The following KCNQ1 variants were observed in gnomAD, a reference collection of about 807,000 sequenced individuals.
The protein encoded by KCNQ1 is potassium voltage-gated channel subfamily Q member 1.
A neutral mutation model predicts 72.4 loss-of-function variants in KCNQ1; 49 were observed. The observed-to-expected ratio is 0.68, with a 90% CI of 0.54 to 0.86. The LOEUF is 0.86. KCNQ1 is among the 40% of genes least tolerant of loss of function. The pLI is 0.00. For synonymous variants in KCNQ1, 450 were observed against 412.6 expected (o/e 1.09, Z -1.10); for missense variants, 790 against 945.1 (o/e 0.84, Z 2.15).
chr11:2,567,116 G>GGGACAGCCCTAGACTGTCACCCTCAGTGT lies in KCNQ1; in HGVS notation c.478-3504_478-3476dup, dbSNP rs1454468754. On this transcript the variant is annotated intron_variant, in intron 2 of 15. Coordinates refer to ENST00000155840, the MANE Select transcript of KCNQ1 (RefSeq NM_000218.3). This position sits in a 1 kb window ranked among gnomAD's most constrained non-coding sequence, Gnocchi z 6.6. ...GTGAGCCCCTGGGAAGGAGGCCTCAGGGACAGCCCTAGACTGTCACCCTCA... is the reference window on the plus strand; with the variant it reads ...GTGAGCCCCTGGGAAGGAGGCCTCAGGGACAGCCCTAGACTGTCACCCTCAGTGTGGACAGCCCTAGACTGTCACCCTCA... Among the ~76,000 whole-genome samples the GGGACAGCCCTAGACTGTCACCCTCAGTGT allele has an allele frequency of 6.6e-6, 1 of 152,100 alleles. No homozygotes were observed. The highest frequency in any genetic ancestry group is 1.5e-5 in the Non-Finnish European group (1 of 67,992).
intron 10 of KCNQ1, chr11:2,648,658 T>C (rs1451320975): frequency 2.5e-6 from 1 of 398,430 alleles, no homozygotes; most frequent in African/African-American, 2.1e-5. Flanking sequence ...TTTTGACTTT[T>C]AAAAATTTAT....
intron 1 of KCNQ1, among the ~76,000 whole-genome samples, chr11:2,469,737 G>T (rs932326877): frequency 2.0e-5 from 3 of 150,996 alleles, no homozygotes; most frequent in Non-Finnish European, 4.4e-5. Flanking sequence ...GCAGTGGCGC[G>T]ATCTCGGCTC....
In KCNQ1 at chr11:2,683,105, A is replaced by G; in HGVS notation, c.1514+21024A>G. ...GGAGCCTTCAGATTTTCTTGTTCCC[A>G]GGATATATCGCACCAACTCAGGAGG... On this transcript the variant is annotated intron_variant, in intron 11 of 15. Coordinates refer to ENST00000155840, the MANE Select transcript of KCNQ1 (RefSeq NM_000218.3). This position sits in a 1 kb window ranked among gnomAD's most constrained non-coding sequence, Gnocchi z 4.7. The G allele has an allele frequency of 2.6e-6, 1 of 390,302 alleles. No individual in the cohort carries two copies. Among genetic ancestry groups the G allele is most frequent in the Non-Finnish European group, 4.4e-6 (1 of 225,060 alleles). 24.2% of individuals were successfully genotyped at this position (390,302 alleles called of 1,614,324 possible). A position where few individuals can be genotyped will look rare whatever the true frequency, so the allele number is the denominator to read the frequency against.
chr11:2,465,554 G>A (rs531131100), intron 1 of KCNQ1, among the ~76,000 whole-genome samples: 187 of 152,008 alleles, frequency 1.2e-3, no homozygotes, highest in Non-Finnish European at 1.9e-3. Flanking sequence ...CAGCTTGTGC[G>A]TAGCAGAGCT....
chr11:2,825,132 GGAAA>G (rs1199572928), intron 15 of KCNQ1, among the ~76,000 whole-genome samples: 1 of 152,242 alleles, frequency 6.6e-6, no homozygotes, highest in East Asian at 1.9e-4. Flanking sequence ...GGGTCACGGT[GGAAA>G]GAGAGTCCAG....
chr11:2,638,887 A>G (rs1354640759), intron 10 of KCNQ1: 2 of 152,146 alleles, frequency 1.3e-5, no homozygotes, highest in African/African-American at 2.4e-5. Context: ...ACATAGTCCC[A>G]TATTTCTTGG....
At chr11:2,514,608 C>T (rs1589922459) in intron 1 of KCNQ1, among the ~76,000 whole-genome samples, 1 of 152,316 alleles carries the variant, frequency 6.6e-6, no homozygotes, top group African/African-American at 2.4e-5. Flanking sequence ...AAGGGGATCA[C>T]GAGGTCAGGA....
intron 15 of KCNQ1, among the ~76,000 whole-genome samples, chr11:2,820,554 A>ACTTAC (rs1455831493): frequency 6.6e-6 from 1 of 150,780 alleles, no homozygotes; most frequent in Non-Finnish European, 1.5e-5. Flanking sequence ...CCACCTCCTG[A>ACTTAC]CTTACCTTGC....
chr11:2,568,046 A>G (rs181844010), intron 2 of KCNQ1, among the ~76,000 whole-genome samples: 7 of 152,306 alleles, frequency 4.6e-5, no homozygotes, highest in African/African-American at 1.4e-4. Flanking sequence ...AAGCAGGCAG[A>G]TCACCTAAGG....
Position 2,530,560 on chromosome 11 carries a change from C to T in KCNQ1, c.477+2542C>T, listed in dbSNP as rs534749631. ...GTGTGTATGTGAGTGCCCACATGCA[C>T]GGGAATGTGTACACGCATGTGCGTG... is the stretch of plus-strand genomic sequence containing the variant. On this transcript the variant is annotated intron_variant, in intron 2 of 15. Coordinates refer to ENST00000155840, the MANE Select transcript of KCNQ1 (RefSeq NM_000218.3). Among the ~76,000 whole-genome samples the T allele has an allele frequency of 4.5e-4, 69 of 152,330 alleles. 1 individual carries two copies. In the South Asian group the frequency reaches 5.2e-3, roughly 11 times the overall value.
At position 2,691,775 on chromosome 11, in the gene KCNQ1, G is replaced by C. The variant is rs1590035740; in HGVS notation, c.1514+29694G>C. 5.0e-6 allele frequency: 2 copies of C among 398,682 alleles called. No homozygotes were observed. The highest frequency in any genetic ancestry group is 1.3e-4 in the South Asian group (1 of 7,864). 24.7% of individuals were successfully genotyped at this position (398,682 alleles called of 1,614,324 possible). ...CACTAGGGCCATTTGCAGGCCAGTG[G>C]CCATCCACTGCCAGCAATCAGAGAA... On this transcript the variant is annotated intron_variant, in intron 11 of 15. Coordinates refer to ENST00000155840, the MANE Select transcript of KCNQ1 (RefSeq NM_000218.3). The surrounding 1 kb of genome is among the most constrained non-coding windows in gnomAD (Gnocchi z 6.4).
Position 2,495,324 on chromosome 11 carries a change from G to GTCT in KCNQ1, c.387-32603_387-32601dup, listed in dbSNP as rs914028643. Among the ~76,000 whole-genome samples the GTCT allele has an allele frequency of 6.6e-5, 10 of 152,000 alleles. No individual in the cohort carries two copies. The highest frequency in any genetic ancestry group is 1.5e-4 in the Non-Finnish European group (10 of 68,014). On this transcript the variant is annotated intron_variant, in intron 1 of 15. Coordinates refer to ENST00000155840, the MANE Select transcript of KCNQ1 (RefSeq NM_000218.3). This position sits in a 1 kb window ranked among gnomAD's most constrained non-coding sequence, Gnocchi z 4.6. ...TGATTTTTTTGGAAGGGTTTTTCATGTCTCTATCTCCTTCAGTTCTGCTCT... is the reference window on the plus strand; with the variant it reads ...TGATTTTTTTGGAAGGGTTTTTCATGTCTTCTCTATCTCCTTCAGTTCTGCTCT...
chr11:2,631,199 C>G (rs984170494), intron 10 of KCNQ1: 6 of 398,366 alleles, frequency 1.5e-5, no homozygotes, highest in African/African-American at 1.2e-4. Flanking sequence ...TCTCTACTTT[C>G]CTTCTATAAA....
intron 15 of KCNQ1, among the ~76,000 whole-genome samples, chr11:2,795,493 G>C (rs1318234132): frequency 6.6e-6 from 1 of 152,244 alleles, no homozygotes; most frequent in African/African-American, 2.4e-5. Context: ...TAAAGACACA[G>C]TCATGCTTGG....
chr11:2,709,220 G>GCCCCCCCCCCCCCCCCCCCCCCC (rs34617956), intron 11 of KCNQ1, among the ~76,000 whole-genome samples: 5 of 130,136 alleles, frequency 3.8e-5, no homozygotes, highest in Admixed American at 1.6e-4. Flanking sequence ...CGGCTTCCAG[G>GCCCCCCCCCCCCCCCCCCCCCCC]CCCCCCCCAC....
In KCNQ1 at chr11:2,817,661, C is replaced by T. The variant is rs919200681; in HGVS notation, c.1795-30106C>T. ...ATCACAGAGGTGGTGAGAGCTACCC[C>T]GGGTCTGGGGACTGTTAGCACAGAC... On this transcript the variant is annotated intron_variant, in intron 15 of 15. Coordinates refer to ENST00000155840, the MANE Select transcript of KCNQ1 (RefSeq NM_000218.3). This position sits in a 1 kb window ranked among gnomAD's most constrained non-coding sequence, Gnocchi z 6.1. Among the ~76,000 whole-genome samples the T allele has an allele frequency of 2.0e-5, 3 of 152,114 alleles. No individual in the cohort carries two copies. Among genetic ancestry groups the T allele is most frequent in the African/African-American group, 7.2e-5 (3 of 41,414 alleles).
At chr11:2,456,413 A>G (rs1564785825) in intron 1 of KCNQ1, among the ~76,000 whole-genome samples, 1 of 152,214 alleles carries the variant, frequency 6.6e-6, no homozygotes, top group African/African-American at 2.4e-5. Flanking sequence ...ATATATAGCT[A>G]ATAAGTCCTC....
At position 2,478,088 on chromosome 11, in the gene KCNQ1, A is replaced by G. The variant is rs1253205127; in HGVS notation, c.386+32604A>G. On this transcript the variant is annotated intron_variant, in intron 1 of 15. Coordinates refer to ENST00000155840, the MANE Select transcript of KCNQ1 (RefSeq NM_000218.3). This position sits in a 1 kb window ranked among gnomAD's most constrained non-coding sequence, Gnocchi z 4.0. ...ACCAGGAATGGGACAGGCCAGCTTC[A>G]CCACCCTCCGGATGGACAGCCTCGG... 6.6e-6 allele frequency among the ~76,000 whole-genome samples: 1 copy of G among 152,194 alleles called. No individual in the cohort carries two copies. The highest frequency in any genetic ancestry group is 1.5e-5 in the Non-Finnish European group (1 of 68,042).
In KCNQ1 at chr11:2,712,079, A is replaced by G. The variant is rs1427299059; in HGVS notation, c.1514+49998A>G. 6.6e-6 allele frequency among the ~76,000 whole-genome samples: 1 copy of G among 152,178 alleles called. No homozygotes were observed. Among genetic ancestry groups the G allele is most frequent in the Non-Finnish European group, 1.5e-5 (1 of 68,020 alleles). ...ATCGTTTCTGTGCTCCCTGCCTCCCAGAGAGCCAGGGAGAGGCCAGGATCC... is the reference window on the plus strand; with the variant it reads ...ATCGTTTCTGTGCTCCCTGCCTCCCGGAGAGCCAGGGAGAGGCCAGGATCC... On this transcript the variant is annotated intron_variant, in intron 11 of 15. Coordinates refer to ENST00000155840, the MANE Select transcript of KCNQ1 (RefSeq NM_000218.3). This position sits in a 1 kb window ranked among gnomAD's most constrained non-coding sequence, Gnocchi z 6.4.
Sources: allele counts gnomAD v4.1 joint callset (sites outside exome capture counted in the v4.1 genomes callset), GRCh38; gene constraint gnomAD v4.1.1; non-coding constraint Gnocchi (gnomAD v3.1); transcripts MANE v1.5; gene names NCBI Gene and HGNC (gene_info 2026-07-23, HGNC 2026-07-21).